SMIM36: variants seen among roughly 807,000 people sequenced by gnomAD.
The protein encoded by SMIM36 is small integral membrane protein 36.
chr17:55,469,699 G>A (rs1002981242), intron 3 of SMIM36, among the ~76,000 whole-genome samples: 2 of 152,194 alleles, frequency 1.3e-5, no homozygotes, highest in African/African-American at 4.8e-5. Context: ...AACTTCAAAG[G>A]CCAAGTGCAG....
chr17:55,505,074 G>T (rs200268694), intron 1 of SMIM36, among the ~76,000 whole-genome samples: 6,017 of 85,598 alleles, frequency 0.07, 280 homozygotes, highest in East Asian at 0.21. Context: ...TGAAATTGTG[G>T]CAATAATCAA....
At chr17:55,477,866 T>A (rs923694167) in intron 3 of SMIM36, among the ~76,000 whole-genome samples, 90 of 146,420 alleles carry the variant, frequency 6.1e-4, no homozygotes, top group Admixed American at 5.5e-4. Context: ...TTTTTTTTTT[T>A]AAGAGAGAGA....
chr17:55,450,518 T>C (rs1195777204), intron 4 of SMIM36, among the ~76,000 whole-genome samples: 9 of 152,184 alleles, frequency 5.9e-5, no homozygotes, highest in African/African-American at 2.2e-4. Context: ...GTGTTGCAAG[T>C]AGATCACTTA....
intron 1 of SMIM36, among the ~76,000 whole-genome samples, chr17:55,480,045 C>T (rs1215040818): frequency 1.3e-5 from 2 of 152,110 alleles, no homozygotes; most frequent in African/African-American, 4.8e-5. Context: ...CAGGGAAAGG[C>T]TCTTAGGATG....
At chr17:55,531,651 A>C in the SMIM36 span, among the ~76,000 whole-genome samples, 1 of 152,208 alleles carries the variant, frequency 6.6e-6, no homozygotes, top group African/African-American at 2.4e-5. Flanking sequence ...AAAAGTCTTA[A>C]ATTGTGTTTG....
At chr17:55,487,348 T>C (rs1443259650) in intron 1 of SMIM36, among the ~76,000 whole-genome samples, 3 of 152,082 alleles carry the variant, frequency 2.0e-5, no homozygotes, top group Non-Finnish European at 4.4e-5. Flanking sequence ...ACTTAGAGTA[T>C]CATAAAAAAT....
intron 4 of SMIM36, among the ~76,000 whole-genome samples, chr17:55,457,245 C>T (rs951354927): frequency 6.6e-6 from 1 of 151,840 alleles, no homozygotes; most frequent in East Asian, 2.0e-4. Flanking sequence ...GTCAGGAGAC[C>T]AAGACCATCC....
intron 3 of SMIM36, among the ~76,000 whole-genome samples, chr17:55,474,433 G>A (rs779840346): frequency 2.6e-5 from 4 of 152,166 alleles, no homozygotes; most frequent in Non-Finnish European, 5.9e-5. Flanking sequence ...GGCCCCCGTG[G>A]AGGATCAATG....
chr17:55,461,527 A>G (rs1408439596), intron 4 of SMIM36, among the ~76,000 whole-genome samples: 1 of 152,156 alleles, frequency 6.6e-6, no homozygotes, highest in African/African-American at 2.4e-5. Flanking sequence ...GCTTGAGTCC[A>G]GGAGTGCCAG....
chr17:55,496,754 T>C (rs909727515), intron 1 of SMIM36, among the ~76,000 whole-genome samples: 3 of 152,186 alleles, frequency 2.0e-5, no homozygotes. Context: ...ATCTCAAAAG[T>C]GTGACTTTTC....
upstream of SMIM36, among the ~76,000 whole-genome samples, chr17:55,511,855 G>A (rs555734469): frequency 6.6e-6 from 1 of 152,292 alleles, no homozygotes; most frequent in South Asian, 2.1e-4. Flanking sequence ...AGATACTAGT[G>A]CCTGATATTT....
intron 3 of SMIM36, among the ~76,000 whole-genome samples, chr17:55,478,244 T>C (rs925483268): frequency 1.1e-4 from 16 of 151,766 alleles, no homozygotes; most frequent in Non-Finnish European, 1.5e-4. Context: ...ATTCCTTTTT[T>C]TTTTTTTCAG....
intron 1 of SMIM36, among the ~76,000 whole-genome samples, chr17:55,496,430 C>T (rs1909808723): frequency 6.6e-6 from 1 of 152,190 alleles, no homozygotes; most frequent in African/African-American, 2.4e-5. Flanking sequence ...CAACTTCCTA[C>T]TATCTTGGGA....
At chr17:55,501,182 TATATA>T (rs1909941665) in intron 1 of SMIM36, among the ~76,000 whole-genome samples, 1 of 88,718 alleles carries the variant, frequency 1.1e-5, no homozygotes, top group Non-Finnish European at 2.1e-5. Context: ...TATATTATAA[TATATA>T]ATATATCTTA....
At chr17:55,521,645 G>A in the SMIM36 span, among the ~76,000 whole-genome samples, 2 of 151,474 alleles carry the variant, frequency 1.3e-5, no homozygotes, top group African/African-American at 2.4e-5. Flanking sequence ...GGACTTGGGA[G>A]GACATGCGTG....
chr17:55,504,430 G>A (rs370424391), intron 1 of SMIM36, among the ~76,000 whole-genome samples: 1 of 60,512 alleles, frequency 1.7e-5, no homozygotes, highest in Admixed American at 1.6e-4. Flanking sequence ...CTCACTCAAA[G>A]CCGCTCAACT....
At chr17:55,468,545 C>T (rs1715361795) in intron 3 of SMIM36, 1 of 152,910 alleles carries the variant, frequency 6.5e-6, no homozygotes, top group Non-Finnish European at 1.5e-5. Flanking sequence ...TCACTGGTGT[C>T]TGATCACCGT....
Position 55,501,222 on chromosome 17 carries a change from T to TTTATA in SMIM36, c.*174+9656_*174+9657insTATAA, listed in dbSNP as rs1567870977. Among the ~76,000 whole-genome samples the TTTATA allele has an allele frequency of 4.5e-5, 4 of 88,984 alleles. 1 individual carries two copies. The highest frequency in any genetic ancestry group is 1.9e-4 in the Admixed American group (1 of 5,216). 58.4% of individuals were successfully genotyped at this position (88,984 alleles called of 152,430 possible). A position where few individuals can be genotyped will look rare whatever the true frequency, so the allele number is the denominator to read the frequency against. ...ATATATTATAATATATAATATATATTATATATTATAATATATAATATAGTA... is the reference window on the plus strand; with the variant it reads ...ATATATTATAATATATAATATATATTTTATAATATATTATAATATATAATATAGTA... On this transcript the variant is annotated intron_variant, in intron 1 of 4. Transcript: ENST00000636752.
chr17:55,487,456 T>A (rs557793998), intron 1 of SMIM36, among the ~76,000 whole-genome samples: 1 of 152,164 alleles, frequency 6.6e-6, no homozygotes, highest in African/African-American at 2.4e-5. Flanking sequence ...AGGCAAGGGA[T>A]CAGGAAAGAC....
Sources: gnomAD v4.1 joint callset for allele counts (sites outside exome capture counted in the v4.1 genomes callset) on GRCh38, gnomAD v4.1.1 for gene constraint, MANE v1.5 for transcripts, NCBI Gene and HGNC (gene_info 2026-07-23, HGNC 2026-07-21) for gene names.